The following DMD variants were observed in gnomAD, a reference collection of about 807,000 sequenced individuals.
DMD encodes the protein dystrophin, also known as mutant dystrophin.
DMD carries 63 observed loss-of-function variants against 330.1 expected under a neutral mutation model. The observed-to-expected ratio is 0.19, with a 90% CI of 0.16 to 0.24. The LOEUF is 0.24. Ranked by LOEUF, DMD falls within the 10% of genes least tolerant of loss-of-function variation. DMD has a pLI of 1.00. For synonymous variants in DMD, 1,223 were observed against 959.8 expected (o/e 1.27, Z -5.07); for missense variants, 3,344 against 2,684.1 (o/e 1.25, Z -5.43).
At chrX:33,252,956 AAT>A (rs2148898681) in intron 1 of DMD, among the ~76,000 whole-genome samples, 1 of 111,825 alleles carries the variant, frequency 8.9e-6, no homozygotes, top group African/African-American at 3.2e-5. Context: ...TTTAGCCAAT[AAT>A]ACTTTCTGTT....
chrX:32,976,948 C>A (rs5928129), intron 2 of DMD, among the ~76,000 whole-genome samples: 37,446 of 109,808 alleles, frequency 0.34, 4,708 homozygotes, highest in Non-Finnish European at 0.39. Context: ...GGTGTTCAGT[C>A]TTACAGGGTT....
intron 43 of DMD, among the ~76,000 whole-genome samples, chrX:32,252,427 C>A (rs1016892956): frequency 9.4e-6 from 1 of 106,298 alleles, no homozygotes; most frequent in African/African-American, 3.4e-5. Context: ...ACATTTTCCC[C>A]CACTAAACAT....
At chrX:32,912,316 G>A (rs978279699) in intron 2 of DMD, among the ~76,000 whole-genome samples, 2 of 110,624 alleles carry the variant, frequency 1.8e-5, no homozygotes, top group African/African-American at 6.6e-5. Context: ...CAGCCAAAGA[G>A]AGCTGGAAGT....
intron 60 of DMD, among the ~76,000 whole-genome samples, chrX:31,391,990 C>T (rs938757505): frequency 9.5e-6 from 1 of 104,987 alleles, no homozygotes; most frequent in African/African-American, 3.4e-5. Context: ...AACCATTCCA[C>T]TCTCCCTTTT....
intron 74 of DMD, among the ~76,000 whole-genome samples, chrX:31,151,525 T>C (rs55646964): frequency 0.045 from 5,094 of 112,157 alleles, 138 homozygotes; most frequent in Non-Finnish European, 0.067. Context: ...GGTTTAGTTG[T>C]CCACAGGGCT....
intron 19 of DMD, among the ~76,000 whole-genome samples, chrX:32,493,814 A>G: frequency 8.9e-6 from 1 of 112,103 alleles, no homozygotes; most frequent in East Asian, 2.8e-4. Flanking sequence ...GATATTTAGG[A>G]GAAATATTTT....
At chrX:32,871,049 A>T (rs2149142018) in intron 2 of DMD, among the ~76,000 whole-genome samples, 2 of 107,168 alleles carry the variant, frequency 1.9e-5, no homozygotes, top group South Asian at 8.3e-4. Context: ...TCTATTTACC[A>T]TTAACAAAAC....
At chrX:31,863,358 A>C (rs1413589082) in intron 48 of DMD, among the ~76,000 whole-genome samples, 2 of 112,030 alleles carry the variant, frequency 1.8e-5, no homozygotes, top group African/African-American at 3.2e-5. Flanking sequence ...AACAAACAAA[A>C]AAAAGATTTG....
chrX:31,989,708 A>G (rs5927913), intron 44 of DMD, among the ~76,000 whole-genome samples: 12,421 of 111,454 alleles, frequency 0.11, 640 homozygotes, highest in African/African-American at 0.19. Flanking sequence ...TATACAATGA[A>G]GAGCCTATTT....
At chrX:32,865,504 C>T (rs969915036) in intron 2 of DMD, among the ~76,000 whole-genome samples, 2 of 111,208 alleles carry the variant, frequency 1.8e-5, no homozygotes, top group East Asian at 2.9e-4. Context: ...ATGAAATAGA[C>T]GCACTGTTCA....
At chrX:32,207,461 G>C (rs1482297436) in intron 44 of DMD, among the ~76,000 whole-genome samples, 1 of 111,579 alleles carries the variant, frequency 9.0e-6, no homozygotes, top group Non-Finnish European at 1.9e-5. Flanking sequence ...CCTAGTCTTA[G>C]GTACTTTGTT....
chrX:31,770,293 A>G (rs2090258825), intron 51 of DMD, among the ~76,000 whole-genome samples: 1 of 112,287 alleles, frequency 8.9e-6, no homozygotes. Context: ...CAGAGTTGCC[A>G]CTGCCTGTAG....
rs183172684 is a variant in DMD at position 31,715,360 on chromosome X, C to T, written c.7660+14271G>A. Among the ~76,000 whole-genome samples, 124 of 104,968 alleles carry T rather than the reference C, an allele frequency of 1.2e-3. No homozygotes were observed. The East Asian group carries it at 0.022, about 18-fold the overall frequency. 91.2% of individuals were successfully genotyped at this position (104,968 alleles called of 115,157 possible). A position where few individuals can be genotyped will look rare whatever the true frequency, so the allele number is the denominator to read the frequency against. On this transcript the variant is annotated intron_variant, in intron 52 of 78. Coordinates refer to ENST00000357033, the MANE Select transcript of DMD (RefSeq NM_004006.3). The stretch of plus-strand genomic sequence containing the variant: ...GAGATCGAGACCATCCTGGCTAACA[C>T]GGTGAAACCCCGTCTCTACTAAAAA...
intron 67 of DMD, among the ~76,000 whole-genome samples, chrX:31,197,629 C>T (rs1243243878): frequency 9.0e-6 from 1 of 111,399 alleles, no homozygotes; most frequent in African/African-American, 3.3e-5. Context: ...AGGCAGAAAA[C>T]AGATGTAAAA....
chrX:32,249,836 G>A (rs1306221404), intron 43 of DMD, among the ~76,000 whole-genome samples: 2 of 111,302 alleles, frequency 1.8e-5, no homozygotes, highest in Non-Finnish European at 3.8e-5. Flanking sequence ...TTTGGAATAG[G>A]AGCCAGGATA....
intron 50 of DMD, among the ~76,000 whole-genome samples, chrX:31,790,964 T>A (rs771903682): frequency 8.9e-6 from 1 of 112,175 alleles, no homozygotes; most frequent in Non-Finnish European, 1.9e-5. Flanking sequence ...AGCATCTACA[T>A]CACTTAAAAA....
chrX:32,310,056 T>C (rs749907059), intron 42 of DMD, 26 bp downstream of exon 42: 1 of 1,179,249 alleles, frequency 8.5e-7, no homozygotes, highest in East Asian at 3.0e-5. Flanking sequence ...CCTTGTAAAA[T>C]ACGAATGAAA....
rs863224988 is a variant in DMD at position 32,485,102 on chromosome X, G to A, written c.2623-3C>T. On this transcript the variant is annotated splice_region_variant and splice_polypyrimidine_tract_variant and intron_variant, in intron 20 of 78. Coordinates refer to ENST00000357033, the MANE Select transcript of DMD (RefSeq NM_004006.3). The stretch of plus-strand genomic sequence containing the variant: ...TCTGATAGCCGGTTGACTTCATCCT[G>A]TGCCATAGAGTATGGAAAGTAAGTA... 5 of 1,204,466 alleles carry A rather than the reference G, an allele frequency of 4.2e-6. No individual in the cohort carries two copies. The highest frequency in any genetic ancestry group is 3.5e-5 in the South Asian group (2 of 56,782).
At chrX:31,640,278 A>G (rs1392759925) in intron 54 of DMD, among the ~76,000 whole-genome samples, 1 of 112,196 alleles carries the variant, frequency 8.9e-6, no homozygotes, top group Non-Finnish European at 1.9e-5. Flanking sequence ...CTCATCTCCT[A>G]GGGAATACGT....
Sources: gnomAD v4.1 joint callset for allele counts (sites outside exome capture counted in the v4.1 genomes callset) on GRCh38, gnomAD v4.1.1 for gene constraint, MANE v1.5 for transcripts, NCBI Gene and HGNC (gene_info 2026-07-23, HGNC 2026-07-21) for gene names.